ING1: variants seen among roughly 807,000 people sequenced by gnomAD.
ING1 encodes inhibitor of growth protein 1.
In ING1, 4 loss-of-function variants were observed where a neutral mutation model predicts 23.1. That is an observed-to-expected ratio of 0.17 (90% CI 0.09 to 0.40). The LOEUF (loss-of-function observed/expected upper bound fraction) is 0.40. Among genes scored for constraint, ING1 ranks in the 10% least tolerant of loss-of-function variants. The probability of loss-of-function intolerance (pLI) is 1.00; values close to 1 mark genes in which losing one functional copy is unlikely to be tolerated. For missense variants in ING1, 256 were observed against 393.8 expected, an observed-to-expected ratio of 0.65 and a Z score of 2.96; for synonymous variants, 179 against 166.4, an observed-to-expected ratio of 1.08 and a Z score of -0.58.
chr13:110,715,671 C>G (rs1257774084), intron 1 of ING1: 2 of 1,607,308 alleles, frequency 1.2e-6, no homozygotes, highest in Non-Finnish European at 8.5e-7. Context: ...GCGGGCCGTG[C>G]TCTTCCGCCC....
At chr13:110,715,359 A>G (rs947801996) in intron 1 of ING1, 3 of 1,488,506 alleles carry the variant, frequency 2.0e-6, no homozygotes, top group Non-Finnish European at 2.7e-6. Context: ...GTTCTATCCG[A>G]GACGTAGCTT....
intron 1 of ING1, chr13:110,715,761 G>A: frequency 6.3e-7 from 1 of 1,584,232 alleles, no homozygotes; most frequent in Non-Finnish European, 8.6e-7. Flanking sequence ...GGGGTGCGGG[G>A]CGAGTCTCCC....
intron 1 of ING1, among the ~76,000 whole-genome samples, chr13:110,718,437 T>A (rs1000294668): frequency 2.0e-5 from 3 of 152,168 alleles, no homozygotes; most frequent in African/African-American, 7.2e-5. Context: ...CAAGTCGTAA[T>A]AATAATAAAG....
upstream of ING1, chr13:110,712,727 G>C (rs1005708358): frequency 4.3e-6 from 3 of 696,462 alleles, no homozygotes; most frequent in South Asian, 4.5e-5. Context: ...TTCCAAGTGT[G>C]GGGAGCGGCC....
At chr13:110,715,009 C>T in intron 1 of ING1, 1 of 991,518 alleles carries the variant, frequency 1.0e-6, no homozygotes, top group Non-Finnish European at 1.2e-6. Context: ...CGCCCATCTG[C>T]GCTGCGCTCG....
At chr13:110,715,355 T>C (rs1400482902) in intron 1 of ING1, 6 of 1,483,714 alleles carry the variant, frequency 4.0e-6, no homozygotes, top group African/African-American at 1.4e-5. Context: ...GCGCGTTCTA[T>C]CCGAGACGTA....
chr13:110,719,326 G>A lies in ING1; in HGVS notation c.234G>A (p.Leu78=). 1 of 1,609,100 alleles carries A rather than the reference G, an allele frequency of 6.2e-7. No homozygotes were observed. The highest frequency in any genetic ancestry group is 8.5e-7 in the Non-Finnish European group (1 of 1,179,844). The change falls in exon 2 of 2, where the codon CTG becomes CTA. Residue 78 remains leucine (L), a synonymous_variant. Transcript: ENST00000333219. This position sits in a 1 kb window ranked among gnomAD's most constrained non-coding sequence, Gnocchi z 8.9. The part of the protein sequence containing the change: ...RRMLHCVQRA[L]IRSQELGDEK... ...TGCTGCACTGTGTGCAGCGCGCGCT[G>A]ATCCGCAGCCAGGAGCTGGGCGACG...
chr13:110,718,456 G>T (rs147127516), intron 1 of ING1, among the ~76,000 whole-genome samples: 96 of 152,254 alleles, frequency 6.3e-4, no homozygotes, highest in African/African-American at 2.1e-3. Flanking sequence ...AGCAAAGCTA[G>T]GTTTTCTGGA....
upstream of ING1, chr13:110,713,282 G>T: frequency 1.6e-6 from 2 of 1,283,438 alleles, no homozygotes; most frequent in Non-Finnish European, 2.0e-6. Context: ...TGAGGAGCGA[G>T]TTGCGGTAGT....
At chr13:110,715,292 A>G (rs1349136375) in intron 1 of ING1, 2 of 1,381,716 alleles carry the variant, frequency 1.4e-6, no homozygotes, top group East Asian at 5.2e-5. Context: ...CAAAAAAAAA[A>G]ATTGACCGCT....
upstream of ING1, chr13:110,713,678 C>T (rs945830787): frequency 3.0e-6 from 3 of 985,348 alleles, no homozygotes; most frequent in South Asian, 4.7e-5. Flanking sequence ...GAATGTTTCC[C>T]AAGTGTTTGA....
At chr13:110,715,313 G>A (rs1482353396) in intron 1 of ING1, 12 of 1,428,238 alleles carry the variant, frequency 8.4e-6, no homozygotes, top group South Asian at 6.3e-5. Context: ...ATCCCCGAAA[G>A]TACTAGACGC....
At chr13:110,716,019 G>A (rs1454425279) in intron 1 of ING1, 4 of 1,491,926 alleles carry the variant, frequency 2.7e-6, no homozygotes, top group Admixed American at 2.3e-5. Context: ...GTGAGTGACT[G>A]GGGCTGCGTC....
At chr13:110,714,842 C>A (rs753718843) in intron 1 of ING1, 33 of 382,256 alleles carry the variant, frequency 8.6e-5, no homozygotes, top group Admixed American at 1.9e-4. Context: ...GTCGGCCGCC[C>A]CCGCCCAGCC....
At chr13:110,715,921 C>T (rs984414678) in intron 1 of ING1, 3 of 1,568,860 alleles carry the variant, frequency 1.9e-6, no homozygotes, top group Non-Finnish European at 1.7e-6. Flanking sequence ...TTCGGACCGC[C>T]TCCCGCGACC....
chr13:110,714,955 CCGTAG>C (rs1303747282), intron 1 of ING1: 53 of 981,206 alleles, frequency 5.4e-5, no homozygotes, highest in Non-Finnish European at 4.1e-5. Context: ...TCTCTGTGTG[CCGTAG>C]GGAAGGGAAG....
intron 1 of ING1, among the ~76,000 whole-genome samples, chr13:110,717,617 G>C (rs2064134961): frequency 6.6e-6 from 1 of 152,212 alleles, no homozygotes; most frequent in Admixed American, 6.5e-5. Flanking sequence ...ACCTGAGGTC[G>C]AGAGTTGGGA....
intron 1 of ING1, among the ~76,000 whole-genome samples, chr13:110,718,139 C>A (rs974666728): frequency 6.6e-6 from 1 of 152,228 alleles, no homozygotes; most frequent in African/African-American, 2.4e-5. Flanking sequence ...TTTTTGATAA[C>A]ATTTTAAAGT....
intron 1 of ING1, among the ~76,000 whole-genome samples, chr13:110,718,118 G>A (rs1355004088): frequency 6.6e-6 from 1 of 152,096 alleles, no homozygotes; most frequent in Non-Finnish European, 1.5e-5. Context: ...TACTGAAGAG[G>A]TTTTCTTTTG....
Sources: gnomAD v4.1 joint callset for allele counts (sites outside exome capture counted in the v4.1 genomes callset) on GRCh38, gnomAD v4.1.1 for gene constraint, Gnocchi (gnomAD v3.1) non-coding constraint, MANE v1.5 for transcripts, NCBI Gene and HGNC (gene_info 2026-07-23, HGNC 2026-07-21) for gene names.